The following PLEC variants were observed in gnomAD, a reference collection of about 807,000 sequenced individuals.
PLEC encodes plectin, also known as hemidesmosomal protein 1.
PLEC carries 216 observed loss-of-function variants against 392.8 expected under a neutral mutation model. The ratio of observed to expected loss-of-function variants is 0.55; its 90% CI spans 0.49 to 0.62. The LOEUF (loss-of-function observed/expected upper bound fraction) is 0.62. Among genes scored for constraint, PLEC ranks in the 20% least tolerant of loss-of-function variants. The pLI is 0.00. For missense variants in PLEC, 6,863 were observed against 6,563.4 expected, an observed-to-expected ratio of 1.05 and a Z score of -1.58; for synonymous variants, 3,621 against 2,980.6, an observed-to-expected ratio of 1.21 and a Z score of -7.00.
In PLEC at chr8:143,919,731, C is replaced by T. The variant is rs781975742; in HGVS notation, c.10090G>A (p.Asp3364Asn). ...TAGATGGACACCTTCTCCTTGGTGT[C>T]CTCCAGGTAGATGCCGGCGAGGCAG... is the stretch of plus-strand genomic sequence containing the variant. ...SGCLAGIYLE[D>N]TKEKVSIYEA... The change falls in exon 32 of 32, where the codon GAC (aspartate) becomes AAC (asparagine). Residue 3364 changes from aspartate (D) to asparagine (N), a missense_variant. Transcript: ENST00000345136. The T allele has an allele frequency of 1.3e-5, 21 of 1,608,428 alleles. No homozygotes were observed. Among genetic ancestry groups the T allele is most frequent in the African/African-American group, 5.3e-5 (4 of 74,842 alleles).
upstream of PLEC, chr8:143,953,693 C>A (rs781818335): frequency 5.6e-6 from 9 of 1,599,832 alleles, no homozygotes; most frequent in South Asian, 2.2e-5. Flanking sequence ...GTGGTCCGCG[C>A]CCCCCGGCTC....
rs1823741366 is a variant in PLEC at position 143,923,616 on chromosome 8, CCG to C, written c.6311_6312del (p.Ala2104GlyfsTer60). 1 of 1,591,138 alleles carries C rather than the reference CCG, an allele frequency of 6.3e-7. No homozygotes were observed. The highest frequency in any genetic ancestry group is 8.5e-7 in the Non-Finnish European group (1 of 1,176,078). ...TCTTCCACCTGCCGCCGGGACTGCG[CCG>C]CCTCACGCTCCGCCTGCACCCGGGC... The part of the protein sequence containing the change: ...EEARVQAERE[A>X]AQSRRQVEEA... On this transcript the variant is annotated frameshift_variant, in exon 31 of 32. Coordinates refer to ENST00000345136, the MANE Select transcript of PLEC (RefSeq NM_201384.3). LOFTEE classifies it high-confidence loss of function.
Position 143,933,096 on chromosome 8 carries a change from G to T in PLEC, c.1434C>A (p.His478Gln). The part of the protein sequence containing the change: ...EQMYRRVYRL[H>Q]ERLVAIRTEY... The stretch of plus-strand genomic sequence containing the variant: ...CGGTGCGGATGGCTACCAGGCGCTC[G>T]TGCAGACGGTACACCCTGGGGCAGC... Residue 478 changes from histidine to glutamine, a missense_variant, in exon 14 of 32, where the codon CAC becomes CAA. His to Gln is a conservative substitution (Grantham distance 24). Transcript: ENST00000345136. 1 of 1,592,168 alleles carries T rather than the reference G, an allele frequency of 6.3e-7. No homozygotes were observed. The highest frequency in any genetic ancestry group is 8.5e-7 in the Non-Finnish European group (1 of 1,171,984).
At position 143,922,182 on chromosome 8, in the gene PLEC, G is replaced by T; in HGVS notation, c.7639C>A (p.Arg2547=). The T allele has an allele frequency of 6.5e-7, 1 of 1,545,254 alleles. No individual in the cohort carries two copies. The stretch of plus-strand genomic sequence containing the variant: ...GCCTCCTCCATGCTGGCCACCAGCC[G>T]CTGCCGTTCCTGCTCCATCTGCTGC... ...QQQQMEQERQ[R]LVASMEEARR... The change falls in exon 32 of 32, where the codon CGG becomes AGG. Residue 2547 remains arginine (R), a synonymous_variant. Coordinates refer to ENST00000345136, the MANE Select transcript of PLEC (RefSeq NM_201384.3).
Position 143,932,421 on chromosome 8 carries a change from G to A in PLEC, c.1956C>T (p.Thr652=), listed in dbSNP as rs201835507. 735 of 1,612,860 alleles carry A rather than the reference G, an allele frequency of 4.6e-4. 1 individual carries two copies. The African/African-American group carries it at 8.4e-3, about 18-fold the overall frequency. Reference sequence around the variant, plus strand: ...TCACCGAGTAGCTCTCCTTCTTGGCGGTCATGTTGGTGTTGCGGTCGCTCC... The same window carrying A: ...TCACCGAGTAGCTCTCCTTCTTGGCAGTCATGTTGGTGTTGCGGTCGCTCC... ...FDWSDRNTNM[T]AKKESYSALM... The change falls in exon 16 of 32, where the codon ACC becomes ACT. Residue 652 remains threonine (T), a synonymous_variant. Transcript: ENST00000345136.
intron 3 of PLEC, 141 bp downstream of exon 3, chr8:143,938,010 G>C (rs1315016370): frequency 3.0e-6 from 2 of 672,550 alleles, no homozygotes; most frequent in African/African-American, 1.8e-5. Flanking sequence ...GACGAGGCCA[G>C]CCTGCCCCCA....
At position 143,921,593 on chromosome 8, in the gene PLEC, A is replaced by C; in HGVS notation, c.8228T>G (p.Val2743Gly). ...QAASGFLLDP[V>G]RNRRLTVNEA... ...GTTGACGGTCAGCCGCCGGTTCCGCACAGGGTCCAGCAGGAAGCCTGAGGC... is the reference window on the plus strand; with the variant it reads ...GTTGACGGTCAGCCGCCGGTTCCGCCCAGGGTCCAGCAGGAAGCCTGAGGC... Residue 2743 changes from valine to glycine, a missense_variant, in exon 32 of 32, where the codon GTG (valine) becomes GGG (glycine). Transcript: ENST00000345136. 6.2e-7 allele frequency: 1 copy of C among 1,612,704 alleles called. No individual in the cohort carries two copies. The highest frequency in any genetic ancestry group is 1.3e-5 in the African/African-American group (1 of 75,022).
chr8:143,917,668 G>A lies in PLEC; in HGVS notation c.12153C>T (p.Gly4051=), dbSNP rs1479157131. ...GGTGGCTCTCCTCAGGGTCGATGAT[G>A]CCGCCCGTGGCGATCTGGGCCTCCA... The part of the protein sequence containing the change: ...RLLEAQIATG[G]IIDPEESHRL... The change falls in exon 32 of 32, where the codon GGC becomes GGT. Residue 4051 remains glycine (G), a synonymous_variant. Transcript: ENST00000345136. 1 of 1,613,480 alleles carries A rather than the reference G, an allele frequency of 6.2e-7. No homozygotes were observed.
chr8:143,917,699 C>T lies in PLEC; in HGVS notation c.12122G>A (p.Arg4041His), dbSNP rs370636109. The change falls in exon 32 of 32, where the codon CGC becomes CAC. Residue 4041 changes from arginine (R) to histidine (H), a missense_variant. Coordinates refer to ENST00000345136, the MANE Select transcript of PLEC (RefSeq NM_201384.3). Reference sequence around the variant, plus strand: ...CGTGGCGATCTGGGCCTCCAGCAGGCGGATGCCATGGTCCTTCAGGATCAG... The same window carrying T: ...CGTGGCGATCTGGGCCTCCAGCAGGTGGATGCCATGGTCCTTCAGGATCAG... ...KGLILKDHGI[R>H]LLEAQIATGG... The T allele has an allele frequency of 6.2e-6, 10 of 1,613,522 alleles. No homozygotes were observed. The highest frequency in any genetic ancestry group is 7.6e-6 in the Non-Finnish European group (9 of 1,180,012).
At chr8:143,953,015 A>G (rs1587374418), upstream of PLEC, among the ~76,000 whole-genome samples, 1 of 62,638 alleles carries the variant, frequency 1.6e-5, no homozygotes, top group African/African-American at 6.4e-5. Context: ...CGCAGCACAC[A>G]CCTCCTGCAG....
At chr8:143,927,801 C>T (rs1554708666) in intron 26 of PLEC, 35 bp from the exon 27 acceptor site, 1 of 1,581,692 alleles carries the variant, frequency 6.3e-7, no homozygotes, top group Non-Finnish European at 8.6e-7. Context: ...GCGGCTTCAG[C>T]TGGGCCCGCT....
chr8:143,953,682 T>G (rs1554738091), upstream of PLEC: 1 of 1,588,696 alleles, frequency 6.3e-7, no homozygotes, highest in East Asian at 2.3e-5. Flanking sequence ...GAGGTCACTG[T>G]GTGGTCCGCG....
intron 1 of PLEC, among the ~76,000 whole-genome samples, chr8:143,970,991 G>C (rs1016400435): frequency 6.6e-6 from 1 of 152,246 alleles, no homozygotes; most frequent in Admixed American, 6.5e-5. Context: ...TGCCCTGGAT[G>C]GGGGACAGGG....
chr8:143,930,792 C>T (rs1319749146), intron 19 of PLEC, among the ~76,000 whole-genome samples: 2 of 152,188 alleles, frequency 1.3e-5, no homozygotes, highest in East Asian at 3.9e-4. Flanking sequence ...CCCAGCTACG[C>T]TCTGGTCCCT....
chr8:143,922,583 C>T lies in PLEC; in HGVS notation c.7346G>A (p.Arg2449Gln), dbSNP rs782523623. 46 of 1,613,400 alleles carry T rather than the reference C, an allele frequency of 2.9e-5. No individual in the cohort carries two copies. The highest frequency in any genetic ancestry group is 1.5e-4 in the African/African-American group (11 of 74,914). ...QQSDHDAERL[R>Q]EAIAELEREK... ...ACGCTCCAGCTCAGCGATGGCCTCC[C>T]GCAGGCGCTCGGCATCATGGTCACT... The change falls in exon 31 of 32, where the codon CGG becomes CAG. Residue 2449 changes from arginine to glutamine, a missense_variant. By Grantham distance (43) the Arg-to-Gln change is conservative (BLOSUM62 1). Coordinates refer to ENST00000345136, the MANE Select transcript of PLEC (RefSeq NM_201384.3).
Position 143,926,515 on chromosome 8 carries a change from G to A in PLEC, c.4044+269C>T, listed in dbSNP as rs535019343. Among the ~76,000 whole-genome samples the A allele has an allele frequency of 3.9e-5, 6 of 152,324 alleles. No homozygotes were observed. The South Asian group carries it at 1.0e-3, about 26-fold the overall frequency. ...CCAAGGAAGAGCCCACAGGACGGCCGCTAGGCTGCAGGGGGGACGCTCACG... is the reference window on the plus strand; with the variant it reads ...CCAAGGAAGAGCCCACAGGACGGCCACTAGGCTGCAGGGGGGACGCTCACG... On this transcript the variant is annotated intron_variant, in intron 30 of 31. Coordinates refer to ENST00000345136, the MANE Select transcript of PLEC (RefSeq NM_201384.3).
At chr8:143,960,270 G>A (rs971682101) in intron 1 of PLEC, among the ~76,000 whole-genome samples, 2 of 149,414 alleles carry the variant, frequency 1.3e-5, no homozygotes, top group Non-Finnish European at 3.0e-5. Flanking sequence ...CAACAAGAGC[G>A]AAACTCCGTC....
rs781786042 is a variant in PLEC at position 143,950,461 on chromosome 8, G to A, written c.246C>T (p.Leu82=). 10 of 1,606,090 alleles carry A rather than the reference G, an allele frequency of 6.2e-6. No individual in the cohort carries two copies. In the Admixed American group the frequency reaches 1.7e-4, roughly 27 times the overall value. The change falls in exon 1 of 32, where the codon CTC becomes CTT. Residue 82 remains leucine (L), a synonymous_variant. Coordinates refer to the PLEC transcript ENST00000322810. Reference sequence around the variant, plus strand: ...CTGGCGGCAGGTGCAGGTACTGGCGGAGGTGGGCGATGCCTTCATTGGTGA... The same window carrying A: ...CTGGCGGCAGGTGCAGGTACTGGCGAAGGTGGGCGATGCCTTCATTGGTGA...
chr8:143,923,669 C>A lies in PLEC; in HGVS notation c.6260G>T (p.Arg2087Leu). The A allele has an allele frequency of 1.9e-6, 3 of 1,559,398 alleles. No individual in the cohort carries two copies. The highest frequency in any genetic ancestry group is 2.3e-5 in the South Asian group (2 of 86,916). The change falls in exon 31 of 32, where the codon CGG becomes CTG. Residue 2087 changes from arginine to leucine, a missense_variant. Transcript: ENST00000345136. ...DQLRGEAEAARRAAEEAEEAR... is the reference protein window; with the variant it reads ...DQLRGEAEAALRAAEEAEEAR... ...CTCCTCCGCCTCCTCAGCCGCCCGCCGGGCCGCCTCCGCCTCGCCGCGCAG... is the reference window on the plus strand; with the variant it reads ...CTCCTCCGCCTCCTCAGCCGCCCGCAGGGCCGCCTCCGCCTCGCCGCGCAG...
Sources: allele counts gnomAD v4.1 joint callset (sites outside exome capture counted in the v4.1 genomes callset), GRCh38; gene constraint gnomAD v4.1.1; transcripts MANE v1.5; gene names NCBI Gene and HGNC (gene_info 2026-07-23, HGNC 2026-07-21).